CACNA1C: variants seen among roughly 807,000 people sequenced by gnomAD.
The protein encoded by CACNA1C is calcium voltage-gated channel subunit alpha1 C, also known as voltage-dependent L-type calcium channel subunit alpha-1C.
Under a neutral mutation model 229.0 loss-of-function variants are expected in CACNA1C, and 30 were observed. The observed-to-expected ratio is 0.13, with a 90% confidence interval of 0.10 to 0.18. CACNA1C has a LOEUF of 0.18. Among genes scored for constraint, CACNA1C ranks in the 10% least tolerant of loss-of-function variants. The probability of loss-of-function intolerance (pLI) is 1.00; values close to 1 mark genes in which losing one functional copy is unlikely to be tolerated. For missense variants in CACNA1C, 1,658 were observed against 2,845.0 expected (o/e 0.58, Z 9.49); for synonymous variants, 1,114 against 1,132.5 (o/e 0.98, Z 0.33).
At chr12:2,105,659 GGGCATCCTGAAGCCACT>G (rs1208844006) in intron 1 of CACNA1C, among the ~76,000 whole-genome samples, 5 of 90,394 alleles carry the variant, frequency 5.5e-5, no homozygotes, top group African/African-American at 2.3e-4. Flanking sequence ...CACCTCAGCT[GGGCATCCTGAAGCCACT>G]GGGCGCCCAC....
chr12:2,361,318 C>T (rs1216877958), intron 3 of CACNA1C, among the ~76,000 whole-genome samples: 1 of 152,078 alleles, frequency 6.6e-6, no homozygotes, highest in Non-Finnish European at 1.5e-5. Context: ...AGTAACTAAA[C>T]CTGATTTGGG....
intron 3 of CACNA1C, among the ~76,000 whole-genome samples, chr12:2,175,686 C>G (rs2096624652): frequency 6.6e-6 from 1 of 152,122 alleles, no homozygotes; most frequent in Admixed American, 6.6e-5. Context: ...GCTTGAAATG[C>G]TCATTTTCTG....
At chr12:2,168,658 T>C (rs1041699129) in intron 3 of CACNA1C, among the ~76,000 whole-genome samples, 4 of 152,316 alleles carry the variant, frequency 2.6e-5, no homozygotes, top group Middle Eastern at 3.4e-3. Context: ...TATTTGGTCA[T>C]TTTATGTGAT....
At chr12:2,412,319 G>A (rs2154553791) in intron 3 of CACNA1C, among the ~76,000 whole-genome samples, 1 of 152,360 alleles carries the variant, frequency 6.6e-6, no homozygotes, top group Non-Finnish European at 1.5e-5. Flanking sequence ...GCTTCTTAGA[G>A]AAACGGGTCA....
chr12:2,285,253 A>G lies in CACNA1C; in HGVS notation c.478-163723A>G, dbSNP rs1410474866. 6.6e-6 allele frequency among the ~76,000 whole-genome samples: 1 copy of G among 152,126 alleles called. No individual in the cohort carries two copies. The highest frequency in any genetic ancestry group is 1.5e-5 in the Non-Finnish European group (1 of 68,016). On this transcript the variant is annotated intron_variant, in intron 3 of 46. Transcript: ENST00000399655. The surrounding 1 kb of genome is among the most constrained non-coding windows in gnomAD (Gnocchi z 4.2). ...TTGCTGACTGAACTCAACCCTTTAC[A>G]CTGGGCATTCAATGTCATCACATTG...
chr12:2,017,911 C>T (rs2045670556), intron 1 of CACNA1C, among the ~76,000 whole-genome samples: 1 of 152,146 alleles, frequency 6.6e-6, no homozygotes, highest in African/African-American at 2.4e-5. Flanking sequence ...TTAGAAAAAC[C>T]ATTGCTTGCC....
intron 3 of CACNA1C, among the ~76,000 whole-genome samples, chr12:2,227,434 CAG>C (rs2063348367): frequency 6.6e-6 from 1 of 152,190 alleles, no homozygotes; most frequent in African/African-American, 2.4e-5. Context: ...CCTAACCTTT[CAG>C]AGTCTGCCAA....
intron 3 of CACNA1C, among the ~76,000 whole-genome samples, chr12:2,383,043 G>A (rs761561409): frequency 1.3e-5 from 2 of 152,168 alleles, no homozygotes; most frequent in African/African-American, 2.4e-5. Context: ...GAACTAGTTT[G>A]TAATCCTGGA....
chr12:2,253,944 C>T (rs1039641202), intron 3 of CACNA1C, among the ~76,000 whole-genome samples: 6 of 152,084 alleles, frequency 3.9e-5, no homozygotes, highest in African/African-American at 9.7e-5. Context: ...GTAAGGGATG[C>T]GTACTGAGTG....
intron 3 of CACNA1C, among the ~76,000 whole-genome samples, chr12:2,401,742 A>T (rs547847758): frequency 2.6e-5 from 4 of 152,252 alleles, no homozygotes; most frequent in Non-Finnish European, 5.9e-5. Flanking sequence ...TAAGTGAGTT[A>T]TGATCTTCAA....
intron 34 of CACNA1C, among the ~76,000 whole-genome samples, chr12:2,663,480 A>G (rs2095869957): frequency 6.6e-6 from 1 of 152,224 alleles, no homozygotes. Context: ...GTATCCACCC[A>G]GAGGAAAAGA....
chr12:2,075,625 T>G (rs185141377), intron 1 of CACNA1C, among the ~76,000 whole-genome samples: 3 of 152,240 alleles, frequency 2.0e-5, no homozygotes, highest in African/African-American at 7.2e-5. Flanking sequence ...TCTTTCTTGC[T>G]TGCTTAAATA....
At chr12:2,551,590 G>T (rs1388159301) in intron 10 of CACNA1C, among the ~76,000 whole-genome samples, 1 of 152,184 alleles carries the variant, frequency 6.6e-6, no homozygotes, top group Non-Finnish European at 1.5e-5. Context: ...TTCCTGGCGG[G>T]AGAAGCAGCA....
rs1360473398 is a variant in CACNA1C, at chr12:2,120,679, TG to T, written c.477+250del. On this transcript the variant is annotated intron_variant, in intron 3 of 46. Coordinates refer to ENST00000399655, the MANE Select transcript of CACNA1C (RefSeq NM_000719.7). Reference sequence around the variant, plus strand: ...CTCTGTGTGTGTGTGTGTGTGTGTGTGTGTGTGTGTGTGTGTGTTTAGTAGC... The same window carrying T: ...CTCTGTGTGTGTGTGTGTGTGTGTGTTGTGTGTGTGTGTGTGTTTAGTAGC... 6.9e-4 allele frequency among the ~76,000 whole-genome samples: 104 copies of T among 151,358 alleles called. 1 individual carries two copies. Among genetic ancestry groups the T allele is most frequent in the East Asian group, 3.9e-3 (20 of 5,140 alleles).
intron 3 of CACNA1C, among the ~76,000 whole-genome samples, chr12:2,392,675 A>G (rs1262419654): frequency 6.6e-6 from 1 of 152,174 alleles, no homozygotes. Context: ...CCTTTGCATT[A>G]TTCTGCATAC....
chr12:2,446,363 G>C (rs575237209), intron 3 of CACNA1C, among the ~76,000 whole-genome samples: 2 of 143,948 alleles, frequency 1.4e-5, no homozygotes, highest in Non-Finnish European at 1.5e-5. Context: ...TATGTGTGTG[G>C]GTGGGTGGAT....
intron 13 of CACNA1C, among the ~76,000 whole-genome samples, chr12:2,571,059 G>A (rs574243724): frequency 2.6e-5 from 4 of 152,334 alleles, no homozygotes; most frequent in Admixed American, 6.5e-5. Flanking sequence ...AGAGGCCTAC[G>A]AATGTTAGCT....
chr12:2,202,225 C>T (rs540422756), intron 3 of CACNA1C, among the ~76,000 whole-genome samples: 181 of 152,314 alleles, frequency 1.2e-3, no homozygotes, highest in Non-Finnish European at 2.3e-3. Flanking sequence ...CTTTGTCTTT[C>T]CACACAGGGA....
At chr12:2,529,934 A>G (rs914254708) in intron 9 of CACNA1C, among the ~76,000 whole-genome samples, 4 of 152,258 alleles carry the variant, frequency 2.6e-5, no homozygotes, top group African/African-American at 4.8e-5. Flanking sequence ...AAAGCTGAAT[A>G]CATTTAAGGC....
Sources: gnomAD v4.1 joint callset for allele counts (sites outside exome capture counted in the v4.1 genomes callset) on GRCh38, gnomAD v4.1.1 for gene constraint, Gnocchi (gnomAD v3.1) non-coding constraint, MANE v1.5 for transcripts, NCBI Gene and HGNC (gene_info 2026-07-23, HGNC 2026-07-21) for gene names.